Variants in BOLL observed in about 807,000 individuals in gnomAD.
BOLL encodes boule RNA binding protein, also known as protein boule-like.
Under a neutral mutation model 44.4 loss-of-function variants are expected in BOLL, and 23 were observed. The ratio of observed to expected loss-of-function variants is 0.52; its 90% CI spans 0.37 to 0.73. The LOEUF (loss-of-function observed/expected upper bound fraction) is 0.73. BOLL is among the 30% of genes least tolerant of loss of function. BOLL has a pLI of 0.00. For missense variants in BOLL, 287 were observed against 338.3 expected (o/e 0.85, Z 1.19); for synonymous variants, 97 against 110.8 (o/e 0.88, Z 0.78).
intron 10 of BOLL, among the ~76,000 whole-genome samples, chr2:197,736,326 A>T (rs1374969871): frequency 6.6e-6 from 1 of 152,176 alleles, no homozygotes; most frequent in Admixed American, 6.6e-5. Flanking sequence ...AGACAATAAA[A>T]GACTATGTAA....
At chr2:197,760,772 C>T (rs939880798) in intron 7 of BOLL, among the ~76,000 whole-genome samples, 7 of 151,800 alleles carry the variant, frequency 4.6e-5, no homozygotes, top group Admixed American at 3.3e-4. Context: ...CTAAACAGAT[C>T]CTCTCAGAGG....
At chr2:197,733,683 AC>A (rs1389805587) in intron 10 of BOLL, among the ~76,000 whole-genome samples, 11 of 152,156 alleles carry the variant, frequency 7.2e-5, no homozygotes, top group African/African-American at 1.2e-4. Context: ...CTGATCTTTG[AC>A]AAGCCTGAGA....
At chr2:197,756,606 T>C in intron 8 of BOLL, 50 bp from the exon 9 acceptor site, 4 of 1,500,686 alleles carry the variant, frequency 2.7e-6, no homozygotes, top group Non-Finnish European at 3.6e-6. Flanking sequence ...GTTATTTCTG[T>C]TAAACCAAAT....
At position 197,756,449 on chromosome 2, in the gene BOLL, C is replaced by G; in HGVS notation, c.708G>C (p.Leu236=). 4.3e-6 allele frequency: 7 copies of G among 1,610,556 alleles called. No individual in the cohort carries two copies. The highest frequency in any genetic ancestry group is 5.1e-6 in the Non-Finnish European group (6 of 1,177,902). ...ATACCTCTGGAACTGAAGTTTCCAT[C>G]AGAGACAGTGGAGGAGGAACACATC... ...DGGCVPPPLS[L]METSVPEPYS... Residue 236 remains leucine, a synonymous_variant, in exon 9 of 11, where the codon CTG becomes CTC. Transcript: ENST00000392296.
chr2:197,735,121 T>TA (rs1343652664), intron 10 of BOLL, among the ~76,000 whole-genome samples: 1 of 152,048 alleles, frequency 6.6e-6, no homozygotes, highest in Non-Finnish European at 1.5e-5. Flanking sequence ...AAAATTTATT[T>TA]AAAAAAATGG....
chr2:197,762,067 C>T (rs889965492), intron 7 of BOLL, among the ~76,000 whole-genome samples: 5 of 152,064 alleles, frequency 3.3e-5, no homozygotes, highest in African/African-American at 9.7e-5. Flanking sequence ...ATAAACAGGC[C>T]GGGCACAGTG....
In BOLL at chr2:197,784,632, T is replaced by G. The variant is rs111245539; in HGVS notation, c.-16+424A>C. The G allele has an allele frequency of 2.1e-3, 1,641 of 764,514 alleles. 24 individuals carry two copies. The African/African-American group carries it at 0.026, about 12-fold the overall frequency. The allele number at this position is 764,514 out of a possible 1,614,324, so 47.4% of individuals were successfully genotyped here. A position where few individuals can be genotyped will look rare whatever the true frequency, so the allele number is the denominator to read the frequency against. On this transcript the variant is annotated intron_variant, in intron 1 of 10. Coordinates refer to ENST00000392296, the MANE Select transcript of BOLL (RefSeq NM_033030.6). ...ATTAGTAGAGATGGGTTTTCACCATTTTGGCCAGGATGGTCTCGATCTCCT... is the reference window on the plus strand; with the variant it reads ...ATTAGTAGAGATGGGTTTTCACCATGTTGGCCAGGATGGTCTCGATCTCCT...
At chr2:197,760,850 A>G (rs906854372) in intron 7 of BOLL, among the ~76,000 whole-genome samples, 6 of 152,194 alleles carry the variant, frequency 3.9e-5, no homozygotes, top group Non-Finnish European at 7.4e-5. Flanking sequence ...AGAAAAAAGT[A>G]TCAAGTCACA....
At chr2:197,770,534 G>GA (rs1689196479) in intron 6 of BOLL, among the ~76,000 whole-genome samples, 1 of 152,132 alleles carries the variant, frequency 6.6e-6, no homozygotes, top group Non-Finnish European at 1.5e-5. Context: ...CACAGCAAAA[G>GA]AAACTGCCAT....
intron 7 of BOLL, 89 bp downstream of exon 7, chr2:197,766,443 A>C (rs1689001513): frequency 9.3e-7 from 1 of 1,077,344 alleles, no homozygotes; most frequent in Non-Finnish European, 1.4e-6. Flanking sequence ...GTAATTAGCA[A>C]AGTAGTTGCA....
intron 6 of BOLL, 93 bp from the exon 7 acceptor site, chr2:197,766,696 C>A: frequency 1.1e-6 from 1 of 874,590 alleles, no homozygotes; most frequent in South Asian, 1.6e-5. Flanking sequence ...ACCCAGTAAA[C>A]TTCTGGTTTA....
chr2:197,767,517 T>C (rs1470936941), intron 6 of BOLL, among the ~76,000 whole-genome samples: 1 of 151,980 alleles, frequency 6.6e-6, no homozygotes, highest in Non-Finnish European at 1.5e-5. Context: ...AAAATGCATT[T>C]GTTAAAATTC....
chr2:197,762,292 C>T (rs976971416), intron 7 of BOLL, among the ~76,000 whole-genome samples: 2 of 152,064 alleles, frequency 1.3e-5, no homozygotes, highest in East Asian at 3.9e-4. Flanking sequence ...TGCAGTGAGC[C>T]GAGATCATGC....
In BOLL at chr2:197,728,075, A is replaced by G. The variant is rs1357285219; in HGVS notation, c.*480T>C. 1 of 159,862 alleles carries G rather than the reference A, an allele frequency of 6.3e-6. No homozygotes were observed. Among genetic ancestry groups the G allele is most frequent in the Non-Finnish European group, 1.4e-5 (1 of 73,320 alleles). 9.9% of individuals were successfully genotyped at this position (159,862 alleles called of 1,614,324 possible). On this transcript the variant is annotated 3_prime_UTR_variant, in exon 11 of 11. Coordinates refer to ENST00000392296, the MANE Select transcript of BOLL (RefSeq NM_033030.6). ...ACAGCAAAGCAAAAATAGAATTGTC[A>G]TTAATATTAAATAGTATACTGTTGT...
intron 9 of BOLL, among the ~76,000 whole-genome samples, chr2:197,744,464 A>G (rs1229305359): frequency 1.3e-5 from 2 of 152,192 alleles, no homozygotes; most frequent in African/African-American, 2.4e-5. Context: ...GTCAAATAAG[A>G]TAAAAAAGAA....
intron 9 of BOLL, among the ~76,000 whole-genome samples, chr2:197,749,908 AAG>A (rs1199024082): frequency 6.6e-6 from 1 of 151,616 alleles, no homozygotes; most frequent in African/African-American, 2.4e-5. Context: ...ACTCCTTGAG[AAG>A]AGTTTGGTGG....
In BOLL at chr2:197,781,474, C is replaced by T. The variant is rs186682555; in HGVS notation, c.129+248G>A. ...AGAAAACTAGGCTTCTAGTCTCACT[C>T]TGTCACTATGTGGCTAGCAGCCCAC... On this transcript the variant is annotated intron_variant, in intron 2 of 10. Transcript: ENST00000392296. 1.2e-4 allele frequency among the ~76,000 whole-genome samples: 18 copies of T among 152,242 alleles called. No homozygotes were observed. The highest frequency in any genetic ancestry group is 2.6e-4 in the Admixed American group (4 of 15,280).
chr2:197,766,651 G>T, intron 6 of BOLL, 48 bp from the exon 7 acceptor site: 2 of 1,350,990 alleles, frequency 1.5e-6, no homozygotes, highest in Non-Finnish European at 2.1e-6. Flanking sequence ...CTTTAAAATA[G>T]CTCACAATAA....
chr2:197,784,391 CATATATATATATATATATATATAT>C (rs60865376), intron 1 of BOLL, among the ~76,000 whole-genome samples: 3,199 of 54,986 alleles, frequency 0.058, 112 homozygotes, highest in East Asian at 0.1. Context: ...CAGTCTAATA[CATATATATATATATATATATATAT>C]ATATATATAT....
Sources: allele counts gnomAD v4.1 joint callset (sites outside exome capture counted in the v4.1 genomes callset), GRCh38; gene constraint gnomAD v4.1.1; transcripts MANE v1.5; gene names NCBI Gene and HGNC (gene_info 2026-07-23, HGNC 2026-07-21).